The following ZNF280B variants were observed in gnomAD, a reference collection of about 807,000 sequenced individuals.
ZNF280B encodes the protein zinc finger protein 280B.
In ZNF280B, 16 loss-of-function variants were observed where a neutral mutation model predicts 38.0. The ratio of observed to expected loss-of-function variants is 0.42; its 90% CI spans 0.28 to 0.64. The LOEUF is 0.64. Ranked by LOEUF, ZNF280B falls within the 30% of genes least tolerant of loss-of-function variation. The pLI is 0.21. For synonymous variants in ZNF280B, 253 were observed against 230.6 expected (o/e 1.10, Z -0.88); for missense variants, 581 against 639.6 (o/e 0.91, Z 0.99).
In ZNF280B at chr22:22,488,226, G is replaced by A; in HGVS notation, c.1173C>T (p.His391=). 6.2e-7 allele frequency: 1 copy of A among 1,613,884 alleles called. No individual in the cohort carries two copies. The highest frequency in any genetic ancestry group is 8.5e-7 in the Non-Finnish European group (1 of 1,179,966). Residue 391 remains histidine, a synonymous_variant, in exon 4 of 4, where the codon CAC becomes CAT. Coordinates refer to ENST00000626650, the MANE Select transcript of ZNF280B (RefSeq NM_080764.4). ...CGCCAGGCTTATGATGGTCCTTCAT[G>A]TGTTGTAAGAGGACCTGATCTGTTT... The part of the protein sequence containing the change: ...SFETDQVLLQ[H]MKDHHKPGEM...
rs1457000510 is a variant in ZNF280B, at chr22:22,485,914, G to C, written c.*1853C>G. 1 of 151,936 alleles carries C rather than the reference G, an allele frequency of 6.6e-6. No individual in the cohort carries two copies. The highest frequency in any genetic ancestry group is 2.4e-5 in the African/African-American group (1 of 41,366). The allele number at this position is 151,936 out of a possible 1,614,324, so 9.4% of individuals were successfully genotyped here. ...ACAACTCCGGGAGTCCACAGAGGCAGCCAAGACTGCTGATGTTCAGGAACC... is the reference window on the plus strand; with the variant it reads ...ACAACTCCGGGAGTCCACAGAGGCACCCAAGACTGCTGATGTTCAGGAACC... On this transcript the variant is annotated 3_prime_UTR_variant, in exon 4 of 4. Coordinates refer to ENST00000626650, the MANE Select transcript of ZNF280B (RefSeq NM_080764.4).
chr22:22,497,691 C>A (rs545390801), intron 2 of ZNF280B, among the ~76,000 whole-genome samples: 1 of 152,008 alleles, frequency 6.6e-6, no homozygotes, highest in African/African-American at 2.4e-5. Context: ...GAATAAAGAC[C>A]TACAAATAGC....
At position 22,487,972 on chromosome 22, in the gene ZNF280B, A is replaced by C. The variant is rs1309139557; in HGVS notation, c.1427T>G (p.Met476Arg). ...TTGATGACACTGGGTCTTGTGCTCC[A>C]TTTTCTCCTTGAAAGTTAAAAACTG... The part of the protein sequence containing the change: ...RLQFLTFKEK[M>R]EHKTQCHQMF... The change falls in exon 4 of 4, where the codon ATG becomes AGG. Residue 476 changes from methionine to arginine, a missense_variant. Physicochemically the swap from Met to Arg is moderately conservative, Grantham distance 91 (BLOSUM62 -1). Transcript: ENST00000626650. The C allele has an allele frequency of 6.2e-7, 1 of 1,613,560 alleles. No homozygotes were observed. Among genetic ancestry groups the C allele is most frequent in the South Asian group, 1.1e-5 (1 of 91,042 alleles).
Position 22,489,139 on chromosome 22 carries a change from T to C in ZNF280B, c.260A>G (p.Gln87Arg). The C allele has an allele frequency of 6.2e-7, 1 of 1,613,910 alleles. No homozygotes were observed. Among genetic ancestry groups the C allele is most frequent in the South Asian group, 1.1e-5 (1 of 91,072 alleles). Reference protein sequence around the residue: ...HLRKDTARKLQPKSHETVTSE... With the variant: ...HLRKDTARKLRPKSHETVTSE... Reference sequence around the variant, plus strand: ...TGTAACGGTCTCATGACTTTTAGGCTGCAATTTGCGAGCAGTATCTTTTCT... The same window carrying C: ...TGTAACGGTCTCATGACTTTTAGGCCGCAATTTGCGAGCAGTATCTTTTCT... Residue 87 changes from glutamine to arginine, a missense_variant, in exon 4 of 4, where the codon CAG becomes CGG. By Grantham distance (43) the Gln-to-Arg change is conservative. Transcript: ENST00000626650.
chr22:22,488,960 T>C lies in ZNF280B; in HGVS notation c.439A>G (p.Thr147Ala), dbSNP rs2146755924. 6.2e-7 allele frequency: 1 copy of C among 1,613,868 alleles called. No homozygotes were observed. The highest frequency in any genetic ancestry group is 8.5e-7 in the Non-Finnish European group (1 of 1,179,976). Residue 147 changes from threonine (T) to alanine (A), a missense_variant, in exon 4 of 4, where the codon ACA becomes GCA. Coordinates refer to ENST00000626650, the MANE Select transcript of ZNF280B (RefSeq NM_080764.4). The stretch of plus-strand genomic sequence containing the variant: ...GGATGATGCAATGAATCTGTGAATG[T>C]AATCAAAGGAGAAGGTAATTCTGAA... ...NSSELPSPLI[T>A]FTDSLHHPVS...
In ZNF280B at chr22:22,488,231, G is replaced by C. The variant is rs375173975; in HGVS notation, c.1168C>G (p.Gln390Glu). The C allele has an allele frequency of 6.2e-7, 1 of 1,613,866 alleles. No individual in the cohort carries two copies. The highest frequency in any genetic ancestry group is 8.5e-7 in the Non-Finnish European group (1 of 1,179,972). Residue 390 changes from glutamine to glutamate, a missense_variant, in exon 4 of 4, where the codon CAA becomes GAA. Coordinates refer to ENST00000626650, the MANE Select transcript of ZNF280B (RefSeq NM_080764.4). Reference sequence around the variant, plus strand: ...GGCTTATGATGGTCCTTCATGTGTTGTAAGAGGACCTGATCTGTTTCAAAT... The same window carrying C: ...GGCTTATGATGGTCCTTCATGTGTTCTAAGAGGACCTGATCTGTTTCAAAT... Reference protein sequence around the residue: ...LSFETDQVLLQHMKDHHKPGE... With the variant: ...LSFETDQVLLEHMKDHHKPGE...
intron 2 of ZNF280B, among the ~76,000 whole-genome samples, chr22:22,496,931 T>C (rs1343182933): frequency 9.3e-5 from 14 of 150,866 alleles, no homozygotes; most frequent in Admixed American, 6.6e-4. Flanking sequence ...AATTCTCCTG[T>C]CTTGGCCTCC....
chr22:22,505,089 A>C (rs1196810386), intron 2 of ZNF280B, among the ~76,000 whole-genome samples: 1 of 152,020 alleles, frequency 6.6e-6, no homozygotes, highest in South Asian at 2.1e-4. Context: ...TATCTGGGGA[A>C]GAATACTCCA....
At chr22:22,496,374 A>C (rs2061695254) in intron 2 of ZNF280B, among the ~76,000 whole-genome samples, 1 of 151,914 alleles carries the variant, frequency 6.6e-6, no homozygotes, top group African/African-American at 2.4e-5. Flanking sequence ...CTGGGATTAC[A>C]GGCGTGAGCC....
At position 22,489,110 on chromosome 22, in the gene ZNF280B, C is replaced by G. The variant is rs2061544205; in HGVS notation, c.289G>C (p.Glu97Gln). The G allele has an allele frequency of 1.2e-6, 2 of 1,613,782 alleles. No individual in the cohort carries two copies. Among genetic ancestry groups the G allele is most frequent in the Non-Finnish European group, 1.7e-6 (2 of 1,179,972 alleles). ...QPKSHETVTS[E>Q]AVTVLPASQL... The stretch of plus-strand genomic sequence containing the variant: ...GAAGCTGGCAGGACGGTCACTGCTT[C>G]TGATGTAACGGTCTCATGACTTTTA... Residue 97 changes from glutamate (E) to glutamine (Q), a missense_variant, in exon 4 of 4, where the codon GAA (glutamate) becomes CAA (glutamine). Coordinates refer to ENST00000626650, the MANE Select transcript of ZNF280B (RefSeq NM_080764.4).
In ZNF280B at chr22:22,487,887, T is replaced by C. The variant is rs1315850571; in HGVS notation, c.1512A>G (p.Gln504=). The C allele has an allele frequency of 6.2e-7, 1 of 1,613,860 alleles. No individual in the cohort carries two copies. The highest frequency in any genetic ancestry group is 1.1e-5 in the South Asian group (1 of 91,068). ...CTGGCTGAAGAGGTTCCAGCGACAC[T>C]TGAATAGTAACTTTTGTTTCAGGAG... ...GLPPETKVTI[Q]VSLEPLQPGS... is the part of the protein sequence containing the mutation. Residue 504 remains glutamine (Q), a synonymous_variant, in exon 4 of 4, where the codon CAA becomes CAG. Coordinates refer to ENST00000626650, the MANE Select transcript of ZNF280B (RefSeq NM_080764.4).
Position 22,485,548 on chromosome 22 carries a change from G to A in ZNF280B, c.*2219C>T, listed in dbSNP as rs1014259758. On this transcript the variant is annotated 3_prime_UTR_variant, in exon 4 of 4. Transcript: ENST00000626650. ...GGCAAATAAATACAACAGAATCTAT[G>A]GATCTAGAGTCAGAAAATTTTCTAA... 6.6e-6 allele frequency: 1 copy of A among 151,852 alleles called. No homozygotes were observed. 9.4% of individuals were successfully genotyped at this position (151,852 alleles called of 1,614,324 possible). A position where few individuals can be genotyped will look rare whatever the true frequency, so the allele number is the denominator to read the frequency against.
intron 2 of ZNF280B, 34 bp downstream of exon 2, chr22:22,507,776 T>C (rs770951260): frequency 1.3e-5 from 2 of 151,890 alleles, no homozygotes; most frequent in African/African-American, 2.4e-5. Context: ...AAATACAACT[T>C]TGGTCCTCAT....
intron 2 of ZNF280B, among the ~76,000 whole-genome samples, chr22:22,497,285 C>T (rs960300601): frequency 5.6e-5 from 7 of 124,326 alleles, no homozygotes; most frequent in African/African-American, 2.1e-4. Context: ...AATCCCAGCA[C>T]TTTGGGAGGC....
Sources: gnomAD v4.1 joint callset for allele counts (sites outside exome capture counted in the v4.1 genomes callset) on GRCh38, gnomAD v4.1.1 for gene constraint, MANE v1.5 for transcripts, NCBI Gene and HGNC (gene_info 2026-07-23, HGNC 2026-07-21) for gene names.